ZFAND4: variants seen among roughly 807,000 people sequenced by gnomAD.
The protein encoded by ZFAND4 is AN1-type zinc finger protein 4.
ZFAND4 carries 43 observed loss-of-function variants against 64.4 expected under a neutral mutation model. That is an observed-to-expected ratio of 0.67 (90% CI 0.52 to 0.86). The LOEUF (loss-of-function observed/expected upper bound fraction) is 0.86. ZFAND4 is among the 40% of genes least tolerant of loss of function. ZFAND4 has a pLI of 0.00. For missense variants in ZFAND4, 929 were observed against 859.8 expected, an observed-to-expected ratio of 1.08 and a Z score of -1.01; for synonymous variants, 296 against 305.7, an observed-to-expected ratio of 0.97 and a Z score of 0.33.
chr10:45,618,419 C>T (rs866132160), intron 8 of ZFAND4, among the ~76,000 whole-genome samples, 159 bp from the exon 9 acceptor site: 83 of 152,310 alleles, frequency 5.4e-4, no homozygotes, highest in African/African-American at 2.0e-3. Flanking sequence ...ATAAAATCTA[C>T]AGGTCAAGTT....
At chr10:45,628,736 A>T (rs532264707) in intron 6 of ZFAND4, among the ~76,000 whole-genome samples, 1 of 152,304 alleles carries the variant, frequency 6.6e-6, no homozygotes, top group East Asian at 1.9e-4. Context: ...ACACAGATCA[A>T]CAACATACAC....
chr10:45,628,772 A>G (rs1304643146), intron 6 of ZFAND4, among the ~76,000 whole-genome samples: 1 of 152,112 alleles, frequency 6.6e-6, no homozygotes, highest in African/African-American at 2.4e-5. Context: ...TAACCCATGC[A>G]TCAGAAAAAC....
intron 6 of ZFAND4, among the ~76,000 whole-genome samples, chr10:45,628,085 T>C (rs188371519): frequency 8.5e-5 from 13 of 152,254 alleles, no homozygotes; most frequent in Admixed American, 5.9e-4. Context: ...TTCAAGATCT[T>C]ATGAATAAAG....
At chr10:45,664,848 G>A (rs375313833) in intron 1 of ZFAND4, among the ~76,000 whole-genome samples, 9 of 151,612 alleles carry the variant, frequency 5.9e-5, no homozygotes, top group African/African-American at 9.7e-5. Context: ...GGAGAATGGC[G>A]TGAACCCGGG....
chr10:45,640,850 A>G (rs1446724003), intron 5 of ZFAND4, among the ~76,000 whole-genome samples: 1 of 152,148 alleles, frequency 6.6e-6, no homozygotes, highest in African/African-American at 2.4e-5. Context: ...AAAATGTAAA[A>G]ACCTAGACTA....
intron 6 of ZFAND4, among the ~76,000 whole-genome samples, chr10:45,633,160 A>G (rs2046335650): frequency 1.3e-5 from 2 of 151,994 alleles, no homozygotes; most frequent in Admixed American, 6.6e-5. Flanking sequence ...ACAGAAACCT[A>G]TGAATAATAG....
intron 8 of ZFAND4, among the ~76,000 whole-genome samples, chr10:45,619,452 AAGTAAC>A (rs1368161663): frequency 6.6e-6 from 1 of 152,192 alleles, no homozygotes; most frequent in East Asian, 1.9e-4. Context: ...ATAGTTGATA[AAGTAAC>A]AGTACAAATA....
intron 8 of ZFAND4, 77 bp downstream of exon 8, chr10:45,624,506 C>A: frequency 7.3e-7 from 1 of 1,366,320 alleles, no homozygotes; most frequent in East Asian, 2.3e-5. Flanking sequence ...CTTCCCATTT[C>A]TCTTTGAAAA....
chr10:45,624,659 T>C, intron 7 of ZFAND4, 22 bp from the exon 8 acceptor site: 1 of 1,596,134 alleles, frequency 6.3e-7, no homozygotes, highest in Non-Finnish European at 8.6e-7. Flanking sequence ...ACACAAAACA[T>C]CTATAGAGGT....
At chr10:45,622,919 A>G (rs1000300734) in intron 8 of ZFAND4, among the ~76,000 whole-genome samples, 1 of 152,176 alleles carries the variant, frequency 6.6e-6, no homozygotes, top group Non-Finnish European at 1.5e-5. Context: ...CGGGGAAAAA[A>G]AAAACATGAA....
rs1385544095 is a variant in ZFAND4 at position 45,656,498 on chromosome 10, T to C, written c.185-3439A>G. Among the ~76,000 whole-genome samples, 5 of 56,222 alleles carry C rather than the reference T, an allele frequency of 8.9e-5. No individual in the cohort carries two copies. In the East Asian group the frequency reaches 1.7e-3, roughly 19 times the overall value. 36.9% of individuals were successfully genotyped at this position (56,222 alleles called of 152,430 possible). Reference sequence around the variant, plus strand: ...GGCTGGGTAACAAAGTGAGAACCTGTCTCAAAAAAAAAAAAAAAAAAAAAA... The same window carrying C: ...GGCTGGGTAACAAAGTGAGAACCTGCCTCAAAAAAAAAAAAAAAAAAAAAA... On this transcript the variant is annotated intron_variant, in intron 2 of 9. Coordinates refer to ENST00000344646, the MANE Select transcript of ZFAND4 (RefSeq NM_174890.4).
At chr10:45,667,091 A>T (rs1278628334) in intron 1 of ZFAND4, among the ~76,000 whole-genome samples, 1 of 152,206 alleles carries the variant, frequency 6.6e-6, no homozygotes, top group Non-Finnish European at 1.5e-5. Flanking sequence ...CTTAATACTA[A>T]GTCTTCTAAT....
At chr10:45,643,872 G>A (rs1342396268) in intron 5 of ZFAND4, among the ~76,000 whole-genome samples, 1 of 151,932 alleles carries the variant, frequency 6.6e-6, no homozygotes, top group East Asian at 1.9e-4. Flanking sequence ...ATTTCTGTGT[G>A]GCCCATGAGC....
At chr10:45,650,044 AAAG>A (rs1238350788) in intron 4 of ZFAND4, 2 of 152,222 alleles carry the variant, frequency 1.3e-5, no homozygotes, top group African/African-American at 4.8e-5. Context: ...TAGTTTTAGA[AAAG>A]AAACATTTTA....
At chr10:45,672,198 A>C (rs1269362023) in intron 1 of ZFAND4, 52 bp downstream of exon 1, 1 of 152,138 alleles carries the variant, frequency 6.6e-6, no homozygotes, top group Non-Finnish European at 1.5e-5. Context: ...CTGCAAGCGG[A>C]ATTGGGAAGT....
intron 4 of ZFAND4, chr10:45,651,391 G>A: frequency 2.9e-6 from 1 of 341,834 alleles, no homozygotes; most frequent in Non-Finnish European, 6.0e-6. Flanking sequence ...GCACTGTCAT[G>A]AAGCAGAGAC....
rs569621941 is a variant in ZFAND4, at chr10:45,662,117, T to C, written c.184+1425A>G. Among the ~76,000 whole-genome samples, 4 of 152,304 alleles carry C rather than the reference T, an allele frequency of 2.6e-5. No homozygotes were observed. The South Asian group carries it at 6.2e-4, about 24-fold the overall frequency. ...GCCACCGGTCTGTGGTATTTTGTTA[T>C]GACAGCTCCAGCAGACTAAGATAGT... is the stretch of plus-strand genomic sequence containing the variant. On this transcript the variant is annotated intron_variant, in intron 2 of 9. Transcript: ENST00000344646.
chr10:45,635,195 C>CAAAAAAAAAA (rs1173808756), intron 6 of ZFAND4, among the ~76,000 whole-genome samples: 65 of 27,566 alleles, frequency 2.4e-3, no homozygotes, highest in East Asian at 5.1e-3. Context: ...GCCATCTAAG[C>CAAAAAAAAAA]AAAAAAAAAA....
chr10:45,617,446 A>G (rs2045066848), intron 9 of ZFAND4, among the ~76,000 whole-genome samples: 1 of 152,028 alleles, frequency 6.6e-6, no homozygotes, highest in Non-Finnish European at 1.5e-5. Context: ...TAGGCAATAT[A>G]GTGAGATCTG....
Sources: allele counts gnomAD v4.1 joint callset (sites outside exome capture counted in the v4.1 genomes callset), GRCh38; gene constraint gnomAD v4.1.1; transcripts MANE v1.5; gene names NCBI Gene and HGNC (gene_info 2026-07-23, HGNC 2026-07-21).